The following BCOR variants were observed in gnomAD, a reference collection of about 807,000 sequenced individuals.
BCOR encodes BCL-6 corepressor.
Under a neutral mutation model 86.7 loss-of-function variants are expected in BCOR, and 10 were observed. The observed-to-expected ratio is 0.12, with a 90% CI of 0.07 to 0.20. BCOR has a LOEUF of 0.20. Ranked by LOEUF, BCOR falls within the 10% of genes least tolerant of loss-of-function variation. The pLI is 1.00. For missense variants in BCOR, 1,259 were observed against 1,452.1 expected (o/e 0.87, Z 2.16); for synonymous variants, 611 against 609.0 (o/e 1.00, Z -0.05).
chrX:40,064,645 C>G, intron 6 of BCOR, 46 bp from the exon 7 acceptor site: 2 of 1,199,674 alleles, frequency 1.7e-6, no homozygotes, highest in Non-Finnish European at 2.3e-6. Context: ...CCGAAGGTCG[C>G]CATGAGAAGG....
chrX:40,063,143 T>C, intron 8 of BCOR, 72 bp from the exon 9 acceptor site: 1 of 818,854 alleles, frequency 1.2e-6, no homozygotes, highest in Non-Finnish European at 1.7e-6. Flanking sequence ...TACACAGTTG[T>C]AGCCAGTGCA....
At chrX:40,064,978 A>C (rs1413538856) in intron 6 of BCOR, among the ~76,000 whole-genome samples, 1 of 112,518 alleles carries the variant, frequency 8.9e-6, no homozygotes, top group African/African-American at 3.2e-5. Flanking sequence ...AAAAATCTTT[A>C]TGGAAACATT....
chrX:40,134,028 C>A (rs1002025179), intron 1 of BCOR, among the ~76,000 whole-genome samples: 1 of 109,427 alleles, frequency 9.1e-6, no homozygotes, highest in Non-Finnish European at 1.9e-5. Context: ...TGAAATGTAA[C>A]CCCCTAGAAA....
At position 40,072,539 on chromosome X, in the gene BCOR, G is replaced by A. The variant is rs201054222; in HGVS notation, c.2807C>T (p.Thr936Ile). 8.3e-7 allele frequency: 1 copy of A among 1,211,959 alleles called. No homozygotes were observed. The highest frequency in any genetic ancestry group is 1.1e-6 in the Non-Finnish European group (1 of 895,508). ...VGSAPPSVDVTPTYTKDGADE... is the reference protein window; with the variant it reads ...VGSAPPSVDVIPTYTKDGADE... The stretch of plus-strand genomic sequence containing the variant: ...AGCTCCATCTTTGGTATAGGTGGGG[G>A]TCACATCCACACTTGGTGGGGCACT... Residue 936 changes from threonine (T) to isoleucine (I), a missense_variant, in exon 4 of 15, where the codon ACC becomes ATC. Thr to Ile is a moderately conservative substitution (Grantham distance 89). This residue lies in a region of BCOR where 534 missense variants were observed against 594.8 expected (regional missense o/e 0.90). Transcript: ENST00000378444.
chrX:40,174,256 C>A (rs1159706753), intron 1 of BCOR, among the ~76,000 whole-genome samples: 1 of 112,416 alleles, frequency 8.9e-6, no homozygotes, highest in Non-Finnish European at 1.9e-5. Flanking sequence ...AGCTGCCAGC[C>A]CCGAGAAAGA....
chrX:40,138,123 T>C (rs1368254761), intron 1 of BCOR, among the ~76,000 whole-genome samples: 1 of 111,861 alleles, frequency 8.9e-6, no homozygotes, highest in African/African-American at 3.2e-5. Context: ...CGGCTAATTT[T>C]GTATTTTTAG....
chrX:40,111,223 C>T (rs1473042679), intron 1 of BCOR, among the ~76,000 whole-genome samples: 7 of 111,348 alleles, frequency 6.3e-5, no homozygotes, highest in Non-Finnish European at 1.1e-4. Flanking sequence ...TGCCTCCACC[C>T]TCACCCCCCA....
chrX:40,053,463 T>C (rs998134934), intron 14 of BCOR, among the ~76,000 whole-genome samples: 12 of 112,087 alleles, frequency 1.1e-4, no homozygotes, highest in African/African-American at 2.6e-4. Context: ...TGTACAATGA[T>C]TGTCCTAACC....
intron 1 of BCOR, among the ~76,000 whole-genome samples, chrX:40,171,782 A>T (rs1282514435): frequency 8.8e-6 from 1 of 113,169 alleles, no homozygotes; most frequent in Non-Finnish European, 1.9e-5. Flanking sequence ...CCGGAGAGGG[A>T]GCCGGAAAGA....
intron 1 of BCOR, among the ~76,000 whole-genome samples, chrX:40,129,728 TG>T (rs1937583549): frequency 9.2e-6 from 1 of 108,551 alleles, no homozygotes; most frequent in Admixed American, 9.8e-5. Context: ...GGAGCAGGAG[TG>T]GTGGCTCTGC....
chrX:40,095,942 CCCGCCGGGACCACGCGTGACTTCGG>C lies in BCOR; in HGVS notation c.-41+1248_-41+1272del, dbSNP rs1212338091. On this transcript the variant is annotated intron_variant, in intron 1 of 14. Coordinates refer to ENST00000378444, the MANE Select transcript of BCOR (RefSeq NM_001123385.2). ...ACTCGAGCGTGCGAGCGGCGGGAAG[CCCGCCGGGACCACGCGTGACTTCGG>C]CCGCCCTACTCCACACACGGTGCCC... Among the ~76,000 whole-genome samples, 24 of 112,676 alleles carry C rather than the reference CCCGCCGGGACCACGCGTGACTTCGG, an allele frequency of 2.1e-4. No homozygotes were observed. In the East Asian group the frequency reaches 6.2e-3, roughly 29 times the overall value.
intron 1 of BCOR, among the ~76,000 whole-genome samples, chrX:40,170,935 G>C (rs985429901): frequency 1.8e-5 from 2 of 112,103 alleles, no homozygotes; most frequent in African/African-American, 6.5e-5. Context: ...CAGTGAAGCA[G>C]AAGGGTTGAG....
intron 10 of BCOR, 30 bp downstream of exon 10, chrX:40,062,109 C>CA (rs1226303760): frequency 1.7e-6 from 2 of 1,185,943 alleles, no homozygotes; most frequent in South Asian, 3.7e-5. Context: ...CCCCAGCCTG[C>CA]AGCCCCAGGG....
intron 1 of BCOR, among the ~76,000 whole-genome samples, chrX:40,086,421 C>T (rs1281676781): frequency 2.6e-5 from 3 of 113,477 alleles, no homozygotes; most frequent in Non-Finnish European, 3.7e-5. Flanking sequence ...CCAAACCCCA[C>T]CAACACGGTG....
In BCOR at chrX:40,073,554, C is replaced by T. The variant is rs1160807200; in HGVS notation, c.1792G>A (p.Val598Met). The part of the protein sequence containing the change: ...VETTPSVIQH[V>M]GQPPATPAKH... ...GCAGGAGTGGCCGGGGGCTGGCCCA[C>T]GTGCTGAATAACGGATGGTGTGGTT... The change falls in exon 4 of 15, where the codon GTG becomes ATG. Residue 598 changes from valine (V) to methionine (M), a missense_variant. Val to Met is a conservative substitution (Grantham distance 21). Around this residue, in one of 7 missense-constraint regions of BCOR, gnomAD observed 534 missense variants for 594.8 expected, o/e 0.90. Coordinates refer to ENST00000378444, the MANE Select transcript of BCOR (RefSeq NM_001123385.2). 2.5e-6 allele frequency: 3 copies of T among 1,212,174 alleles called. No individual in the cohort carries two copies. The highest frequency in any genetic ancestry group is 1.1e-6 in the Non-Finnish European group (1 of 895,657).
intron 7 of BCOR, 94 bp downstream of exon 7, chrX:40,064,242 G>C (rs980762088): frequency 5.3e-6 from 6 of 1,141,851 alleles, no homozygotes; most frequent in Non-Finnish European, 7.2e-6. Context: ...GTCTACGGGG[G>C]CAGCGCGCCG....
At chrX:40,151,588 G>A (rs1938167280) in intron 1 of BCOR, among the ~76,000 whole-genome samples, 1 of 113,070 alleles carries the variant, frequency 8.8e-6, no homozygotes, top group Non-Finnish European at 1.9e-5. Context: ...GGAGCCTGAG[G>A]CCAGGGTCAG....
chrX:40,072,338 G>C lies in BCOR; in HGVS notation c.2997+11C>G. ...TGGTAAAGTAACTGAAATTCAGGTG[G>C]GGGGGCTCACCTGCAATGCCCGTTG... On this transcript the variant is annotated intron_variant, in intron 4 of 14. Coordinates refer to ENST00000378444, the MANE Select transcript of BCOR (RefSeq NM_001123385.2). 4.2e-6 allele frequency: 5 copies of C among 1,203,278 alleles called. No homozygotes were observed. The highest frequency in any genetic ancestry group is 5.6e-6 in the Non-Finnish European group (5 of 890,431).
chrX:40,129,283 A>C (rs982189859), intron 1 of BCOR, among the ~76,000 whole-genome samples: 1 of 111,221 alleles, frequency 9.0e-6, no homozygotes, highest in Non-Finnish European at 1.9e-5. Context: ...CAAGAGATCG[A>C]GACCATCCTG....
Sources: allele counts gnomAD v4.1 joint callset (sites outside exome capture counted in the v4.1 genomes callset), GRCh38; gene constraint gnomAD v4.1.1; regional missense constraint gnomAD v4.1.1; transcripts MANE v1.5; gene names NCBI Gene and HGNC (gene_info 2026-07-23, HGNC 2026-07-21).